The following PTPRM variants were observed in gnomAD, a reference collection of about 807,000 sequenced individuals.
PTPRM encodes the protein protein tyrosine phosphatase receptor type M, also known as receptor-type tyrosine-protein phosphatase mu.
Under a neutral mutation model 186.7 loss-of-function variants are expected in PTPRM, and 47 were observed. The ratio of observed to expected loss-of-function variants is 0.25; its 90% CI spans 0.20 to 0.32. PTPRM has a LOEUF of 0.32. Ranked by LOEUF, PTPRM falls within the 10% of genes least tolerant of loss-of-function variation. The pLI is 1.00. For synonymous variants in PTPRM, 668 were observed against 674.9 expected (o/e 0.99, Z 0.16); for missense variants, 1,494 against 1,865.0 (o/e 0.80, Z 3.66).
intron 1 of PTPRM, among the ~76,000 whole-genome samples, chr18:7,716,169 A>T (rs1369666505): frequency 6.6e-6 from 1 of 152,150 alleles, no homozygotes; most frequent in Non-Finnish European, 1.5e-5. Context: ...AGATATATAG[A>T]CCAATGGAAC....
intron 13 of PTPRM, 121 bp downstream of exon 13, chr18:8,114,948 C>T: frequency 1.0e-5 from 7 of 689,452 alleles, no homozygotes; most frequent in Non-Finnish European, 1.7e-5. Flanking sequence ...ATTATATATA[C>T]ATATATATAT....
At chr18:7,813,920 TA>T (rs1272200738) in intron 2 of PTPRM, among the ~76,000 whole-genome samples, 2 of 152,184 alleles carry the variant, frequency 1.3e-5, no homozygotes, top group African/African-American at 4.8e-5. Flanking sequence ...AGATCACCTT[TA>T]AAAAATTATT....
In PTPRM at chr18:7,893,967, T is replaced by C. The variant is rs1190189192; in HGVS notation, c.468+5590T>C. Among the ~76,000 whole-genome samples the C allele has an allele frequency of 2.0e-5, 3 of 152,186 alleles. No individual in the cohort carries two copies. The East Asian group carries it at 5.8e-4, about 30-fold the overall frequency. ...TCCAATTTTCACCCCTGGCCTGAGGTGTCAGCCTAATTAGAGATGGTCAGA... is the reference window on the plus strand; with the variant it reads ...TCCAATTTTCACCCCTGGCCTGAGGCGTCAGCCTAATTAGAGATGGTCAGA... On this transcript the variant is annotated intron_variant, in intron 3 of 32. Transcript: ENST00000580170.
At chr18:8,006,436 T>C (rs2147818743) in intron 7 of PTPRM, among the ~76,000 whole-genome samples, 1 of 152,306 alleles carries the variant, frequency 6.6e-6, no homozygotes, top group South Asian at 2.1e-4. Context: ...TGAGGCTTCC[T>C]TTCTGGCCTT....
intron 19 of PTPRM, among the ~76,000 whole-genome samples, chr18:8,291,424 G>A (rs1013902112): frequency 6.6e-6 from 1 of 152,166 alleles, no homozygotes; most frequent in Admixed American, 6.5e-5. Flanking sequence ...CGCACTGGGA[G>A]GATTCAAAAC....
chr18:7,697,128 T>G (rs2039861923), intron 1 of PTPRM, among the ~76,000 whole-genome samples: 2 of 152,230 alleles, frequency 1.3e-5, no homozygotes, highest in East Asian at 1.9e-4. Flanking sequence ...TTATCACTAT[T>G]GAATGTCGGG....
chr18:7,795,807 T>C (rs1185864665), intron 2 of PTPRM, among the ~76,000 whole-genome samples: 1 of 144,778 alleles, frequency 6.9e-6, no homozygotes, highest in African/African-American at 2.7e-5. Flanking sequence ...TCTTTCTTTC[T>C]TTCTTTTTTT....
chr18:8,378,376 C>G lies in PTPRM; in HGVS notation c.3574C>G (p.Pro1192Ala), dbSNP rs1376151430. The G allele has an allele frequency of 3.7e-6, 6 of 1,613,890 alleles. No homozygotes were observed. The highest frequency in any genetic ancestry group is 5.1e-6 in the Non-Finnish European group (6 of 1,179,952). ...GTATTATGACATGAACAAACTGGAT[C>G]CACAGACAAACTCAAGCCAGATTAA... Reference protein sequence around the residue: ...SLYYDMNKLDPQTNSSQIKEE... With the variant: ...SLYYDMNKLDAQTNSSQIKEE... The change falls in exon 27 of 33, where the codon CCA becomes GCA. Residue 1192 changes from proline to alanine, a missense_variant. Physicochemically the swap from Pro to Ala is conservative, Grantham distance 27 (BLOSUM62 -1). Coordinates refer to ENST00000580170, the MANE Select transcript of PTPRM (RefSeq NM_001105244.2).
chr18:8,350,348 G>A (rs2095527955), intron 23 of PTPRM, among the ~76,000 whole-genome samples: 3 of 152,212 alleles, frequency 2.0e-5, no homozygotes, highest in African/African-American at 7.2e-5. Context: ...TATTGCACAT[G>A]TGCTCAGCTC....
chr18:8,253,264 G>A lies in PTPRM; in HGVS notation c.2604G>A (p.Leu868=), dbSNP rs1320823758. ...CAATGGCCAGCGATACCAGCAGCCTGGTGCAGTCCCATACTTACAAGAAGC... is the reference window on the plus strand; with the variant it reads ...CAATGGCCAGCGATACCAGCAGCCTAGTGCAGTCCCATACTTACAAGAAGC... ...THTMASDTSS[L]VQSHTYKKRE... Residue 868 remains leucine, a synonymous_variant, in exon 19 of 33, where the codon CTG becomes CTA. Transcript: ENST00000580170. 6.4e-7 allele frequency: 1 copy of A among 1,566,292 alleles called. No individual in the cohort carries two copies. Among genetic ancestry groups the A allele is most frequent in the South Asian group, 1.2e-5 (1 of 84,180 alleles).
Position 7,842,947 on chromosome 18 carries a change from T to TATATAGAG in PTPRM, c.197-45158_197-45157insTATAGAGA, listed in dbSNP as rs370746043. On this transcript the variant is annotated intron_variant, in intron 2 of 32. Coordinates refer to ENST00000580170, the MANE Select transcript of PTPRM (RefSeq NM_001105244.2). ...GTGTGTGTGTATATATATATATATA[T>TATATAGAG]AGAGAGAGAGAGAGAGAGAGAGAGA... Among the ~76,000 whole-genome samples, 884 of 112,058 alleles carry TATATAGAG rather than the reference T, an allele frequency of 7.9e-3. 8 individuals are homozygous for TATATAGAG. The highest frequency in any genetic ancestry group is 0.017 in the Middle Eastern group (4 of 230). The allele number at this position is 112,058 out of a possible 152,430, so 73.5% of individuals were successfully genotyped here. A position where few individuals can be genotyped will look rare whatever the true frequency, so the allele number is the denominator to read the frequency against.
chr18:8,214,129 A>G (rs1468528263), intron 14 of PTPRM, among the ~76,000 whole-genome samples: 1 of 152,172 alleles, frequency 6.6e-6, no homozygotes, highest in African/African-American at 2.4e-5. Flanking sequence ...TAGGGGAGTG[A>G]GACATGAAAA....
intron 2 of PTPRM, among the ~76,000 whole-genome samples, chr18:7,812,721 GTT>G (rs56916348): frequency 2.1e-5 from 3 of 145,242 alleles, no homozygotes; most frequent in Admixed American, 1.4e-4. Flanking sequence ...GACTTGGAAA[GTT>G]TTTTTTTTTT....
chr18:8,174,452 A>G (rs73389787), intron 14 of PTPRM, among the ~76,000 whole-genome samples: 1,889 of 152,268 alleles, frequency 0.012, 44 homozygotes, highest in African/African-American at 0.043. Context: ...AAAAGATCAG[A>G]GCAAAGACAT....
At chr18:8,270,843 G>T (rs1466248482) in intron 19 of PTPRM, among the ~76,000 whole-genome samples, 1 of 152,140 alleles carries the variant, frequency 6.6e-6, no homozygotes, top group Non-Finnish European at 1.5e-5. Flanking sequence ...GGGGATGGGG[G>T]TTAGAGGAAA....
chr18:7,885,221 G>C (rs934332672), intron 2 of PTPRM, among the ~76,000 whole-genome samples: 1 of 152,086 alleles, frequency 6.6e-6, no homozygotes, highest in South Asian at 2.1e-4. Context: ...TGCTGTGAAC[G>C]TAAAAATATC....
chr18:7,988,648 G>C (rs999601255), intron 7 of PTPRM, among the ~76,000 whole-genome samples: 2 of 152,084 alleles, frequency 1.3e-5, no homozygotes, highest in East Asian at 3.9e-4. Context: ...TCTCATAAAA[G>C]TGGAATCATA....
At chr18:8,151,024 A>C (rs1407139320) in intron 14 of PTPRM, among the ~76,000 whole-genome samples, 1 of 152,118 alleles carries the variant, frequency 6.6e-6, no homozygotes, top group African/African-American at 2.4e-5. Flanking sequence ...AGGGGCAACC[A>C]CGAGATGCCG....
chr18:8,310,013 G>A (rs541619441), intron 20 of PTPRM, among the ~76,000 whole-genome samples: 23 of 152,128 alleles, frequency 1.5e-4, no homozygotes, highest in Middle Eastern at 3.4e-3. Flanking sequence ...CCAACACTGC[G>A]TGCCTCATTT....
Sources: gnomAD v4.1 joint callset for allele counts (sites outside exome capture counted in the v4.1 genomes callset) on GRCh38, gnomAD v4.1.1 for gene constraint, MANE v1.5 for transcripts, NCBI Gene and HGNC (gene_info 2026-07-23, HGNC 2026-07-21) for gene names.